The following KCNAB1 variants were observed in gnomAD, a reference collection of about 807,000 sequenced individuals.
KCNAB1 encodes voltage-gated potassium channel subunit beta-1.
In KCNAB1, 35 loss-of-function variants were observed where a neutral mutation model predicts 64.6. That is an observed-to-expected ratio of 0.54 (90% CI 0.41 to 0.72). The LOEUF is 0.72. Ranked by LOEUF, KCNAB1 falls within the 30% of genes least tolerant of loss-of-function variation. KCNAB1 has a pLI of 0.00. For synonymous variants in KCNAB1, 177 were observed against 183.8 expected (o/e 0.96, Z 0.30); for missense variants, 401 against 512.9 (o/e 0.78, Z 2.11).
At chr3:156,210,439 T>C (rs1022231695) in intron 1 of KCNAB1, among the ~76,000 whole-genome samples, 1 of 152,220 alleles carries the variant, frequency 6.6e-6, no homozygotes, top group African/African-American at 2.4e-5. Context: ...TTATGCTTTC[T>C]GGAGGTCAGA....
chr3:156,286,157 G>A (rs1369718050), intron 1 of KCNAB1, among the ~76,000 whole-genome samples: 2 of 152,152 alleles, frequency 1.3e-5, no homozygotes, highest in Admixed American at 1.3e-4. Context: ...TTCCAATATG[G>A]CTTCTCCATT....
chr3:156,281,314 C>T (rs1216083149), intron 1 of KCNAB1, among the ~76,000 whole-genome samples: 1 of 152,052 alleles, frequency 6.6e-6, no homozygotes, highest in East Asian at 1.9e-4. Flanking sequence ...AGGGATAAAG[C>T]CCACTTGATC....
In KCNAB1 at chr3:156,250,781, A is replaced by G. The variant is rs74326944; in HGVS notation, c.275+129895A>G. On this transcript the variant is annotated intron_variant, in intron 1 of 13. Transcript: ENST00000490337. ...ATGAGCTAAAACACCCCAGAGATAA[A>G]AGAGTGACAAAGGTCATAGTCAGAT... 1.9e-3 allele frequency among the ~76,000 whole-genome samples: 295 copies of G among 152,294 alleles called. 2 individuals are homozygous for G. Among genetic ancestry groups the G allele is most frequent in the Admixed American group, 0.011 (174 of 15,302 alleles).
chr3:156,530,022 TGAA>T (rs1255882131), intron 12 of KCNAB1, among the ~76,000 whole-genome samples: 3 of 152,126 alleles, frequency 2.0e-5, no homozygotes, highest in Non-Finnish European at 2.9e-5. Context: ...GACTGGGATG[TGAA>T]GAAGATCAGT....
intron 1 of KCNAB1, among the ~76,000 whole-genome samples, chr3:156,387,411 G>T (rs1035062057): frequency 3.3e-5 from 5 of 152,058 alleles, no homozygotes; most frequent in Non-Finnish European, 5.9e-5. Context: ...GATTTAATGG[G>T]GTTTCATGTT....
At chr3:156,306,616 A>G (rs143339098) in intron 1 of KCNAB1, among the ~76,000 whole-genome samples, 1 of 152,298 alleles carries the variant, frequency 6.6e-6, no homozygotes, top group African/African-American at 2.4e-5. Context: ...TTGAAAGAAA[A>G]GGCATTTCCC....
At chr3:156,511,162 G>A (rs926481093) in intron 8 of KCNAB1, among the ~76,000 whole-genome samples, 5 of 151,946 alleles carry the variant, frequency 3.3e-5, no homozygotes, top group Non-Finnish European at 7.4e-5. Flanking sequence ...GGAGTGCAGT[G>A]GCGTGATCTC....
At chr3:156,294,936 G>T (rs1720682547) in intron 1 of KCNAB1, among the ~76,000 whole-genome samples, 1 of 152,168 alleles carries the variant, frequency 6.6e-6, no homozygotes, top group Non-Finnish European at 1.5e-5. Flanking sequence ...CATTTAGTCA[G>T]CATAGTCAAT....
intron 7 of KCNAB1, among the ~76,000 whole-genome samples, chr3:156,474,482 C>T (rs1305724673): frequency 6.6e-6 from 1 of 152,132 alleles, no homozygotes; most frequent in East Asian, 1.9e-4. Flanking sequence ...AAGGTCATTC[C>T]TAAGTGTATA....
intron 1 of KCNAB1, among the ~76,000 whole-genome samples, chr3:156,305,542 G>A (rs1469758523): frequency 6.6e-6 from 1 of 152,180 alleles, no homozygotes; most frequent in Non-Finnish European, 1.5e-5. Flanking sequence ...TTTGGAAATA[G>A]GAATCCTATC....
At chr3:156,158,265 A>T (rs182457957) in intron 1 of KCNAB1, among the ~76,000 whole-genome samples, 131 of 151,782 alleles carry the variant, frequency 8.6e-4, no homozygotes, top group African/African-American at 2.7e-3. Context: ...CATTAATTCT[A>T]TTAGATTTTA....
chr3:156,379,909 G>C (rs968240466), intron 1 of KCNAB1, among the ~76,000 whole-genome samples: 1 of 152,150 alleles, frequency 6.6e-6, no homozygotes, highest in African/African-American at 2.4e-5. Context: ...TAGAGTAGAC[G>C]AGATTTACTT....
At chr3:156,199,933 G>GT (rs949870821) in intron 1 of KCNAB1, among the ~76,000 whole-genome samples, 3 of 152,124 alleles carry the variant, frequency 2.0e-5, no homozygotes, top group African/African-American at 4.8e-5. Context: ...CTTTTGCACT[G>GT]TTTTTTTCCT....
intron 1 of KCNAB1, among the ~76,000 whole-genome samples, chr3:156,163,290 C>CA (rs1412087067): frequency 2.6e-5 from 4 of 152,046 alleles, no homozygotes; most frequent in Admixed American, 6.6e-5. Context: ...CAACTCAAGG[C>CA]AAAAATCTCA....
At chr3:156,466,055 C>T (rs1382970869) in intron 7 of KCNAB1, among the ~76,000 whole-genome samples, 1 of 151,994 alleles carries the variant, frequency 6.6e-6, no homozygotes, top group Admixed American at 6.6e-5. Context: ...AGTTGTACAC[C>T]AAACACCCTA....
intron 2 of KCNAB1, among the ~76,000 whole-genome samples, chr3:156,432,683 T>A (rs1716306979): frequency 6.6e-6 from 1 of 152,166 alleles, no homozygotes; most frequent in Admixed American, 6.5e-5. Flanking sequence ...TCATTTTTCT[T>A]CATAGTCTCT....
chr3:156,308,451 G>A (rs561818088), intron 1 of KCNAB1, among the ~76,000 whole-genome samples: 132 of 152,326 alleles, frequency 8.7e-4, no homozygotes, highest in African/African-American at 3.0e-3. Context: ...TGTAAGCTGA[G>A]AAGTCAATAA....
chr3:156,378,944 C>T (rs769963983), intron 1 of KCNAB1, among the ~76,000 whole-genome samples: 1 of 152,172 alleles, frequency 6.6e-6, no homozygotes, highest in Non-Finnish European at 1.5e-5. Flanking sequence ...GGAACCATTC[C>T]AGGAGTCAAA....
At chr3:156,344,873 C>T (rs895122517) in intron 1 of KCNAB1, among the ~76,000 whole-genome samples, 1 of 152,108 alleles carries the variant, frequency 6.6e-6, no homozygotes, top group Non-Finnish European at 1.5e-5. Flanking sequence ...CTTGGGCATC[C>T]GTGACATATG....
Sources: allele counts gnomAD v4.1 joint callset (sites outside exome capture counted in the v4.1 genomes callset), GRCh38; gene constraint gnomAD v4.1.1; transcripts MANE v1.5; gene names NCBI Gene and HGNC (gene_info 2026-07-23, HGNC 2026-07-21).